OLR1: variants seen among roughly 807,000 people sequenced by gnomAD.
OLR1 encodes the protein oxidized low density lipoprotein receptor 1, also known as oxidized low-density lipoprotein receptor 1.
A neutral mutation model predicts 31.7 loss-of-function variants in OLR1; 23 were observed. That is an observed-to-expected ratio of 0.72 (90% CI 0.52 to 1.03). The LOEUF (loss-of-function observed/expected upper bound fraction) is 1.03. Among genes scored for constraint, OLR1 ranks in the 50% least tolerant of loss-of-function variants. OLR1 has a pLI of 0.00. For synonymous variants in OLR1, 117 were observed against 115.8 expected (o/e 1.01, Z -0.07); for missense variants, 286 against 315.7 (o/e 0.91, Z 0.71).
At position 10,169,083 on chromosome 12, in the gene OLR1, C is replaced by G. The variant is rs1287732483; in HGVS notation, c.169G>C (p.Gly57Arg). ...GTATTTTAGCACTTACATTGCATGC[C>G]CAGCACCATAATGGTCACTACTAAT... ...LGLVVTIMVLGMQLSQVSDLL... is the reference protein window; with the variant it reads ...LGLVVTIMVLRMQLSQVSDLL... The change falls in exon 2 of 6, where the codon GGC (glycine) becomes CGC (arginine). Residue 57 changes from glycine (G) to arginine (R), a missense_variant. Coordinates refer to ENST00000309539, the MANE Select transcript of OLR1 (RefSeq NM_002543.4). 1 of 1,609,736 alleles carries G rather than the reference C, an allele frequency of 6.2e-7. No individual in the cohort carries two copies. Among genetic ancestry groups the G allele is most frequent in the African/African-American group, 1.3e-5 (1 of 74,678 alleles).
In OLR1 at chr12:10,159,907, C is replaced by T. The variant is rs1421643708; in HGVS notation, c.795G>A (p.Gln265=). The T allele has an allele frequency of 1.9e-6, 3 of 1,613,118 alleles. No individual in the cohort carries two copies. Among genetic ancestry groups the T allele is most frequent in the South Asian group, 1.1e-5 (1 of 90,984 alleles). Residue 265 remains glutamine (Q), a synonymous_variant, in exon 6 of 6, where the codon CAG becomes CAA. Transcript: ENST00000309539. ...NCILAAFSIC[Q]KKANLRAQ is the part of the protein sequence containing the mutation. ...ACTGTGCTCTTAGGTTTGCCTTCTT[C>T]TGACATATACTGAAGGCAGCTAAAA...
chr12:10,160,642 T>G (rs1948612587), intron 4 of OLR1, 144 bp downstream of exon 4: 2 of 1,115,564 alleles, frequency 1.8e-6, no homozygotes, highest in African/African-American at 1.5e-5. Flanking sequence ...CCGTCCAAGG[T>G]CATACACAAA....
At position 10,170,062 on chromosome 12, in the gene OLR1, G is replaced by A. The variant is rs183585550; in HGVS notation, c.77-887C>T. 2.6e-5 allele frequency among the ~76,000 whole-genome samples: 4 copies of A among 152,324 alleles called. No individual in the cohort carries two copies. In the East Asian group the frequency reaches 5.8e-4, roughly 22 times the overall value. ...TGTATGCAAATAAGGAGACTGAAAG[G>A]TTTAGTGACTTGCTTAAGATCACAC... On this transcript the variant is annotated intron_variant, in intron 1 of 5. Transcript: ENST00000309539.
Position 10,160,916 on chromosome 12 carries a change from G to A in OLR1, c.434C>T (p.Pro145Leu), listed in dbSNP as rs759947861. 25 of 1,613,848 alleles carry A rather than the reference G, an allele frequency of 1.5e-5. No individual in the cohort carries two copies. Among genetic ancestry groups the A allele is most frequent in the Middle Eastern group, 1.6e-4 (1 of 6,084 alleles). The part of the protein sequence containing the change: ...KRVANCSAPC[P>L]QDWIWHGENC... ...TTCTCCATGCCAGATCCAGTCTTGC[G>A]GACAAGGAGCTGGGAAGGATAGTAT... The change falls in exon 4 of 6, where the codon CCG becomes CTG. Residue 145 changes from proline (P) to leucine (L), a missense_variant. Coordinates refer to ENST00000309539, the MANE Select transcript of OLR1 (RefSeq NM_002543.4).
chr12:10,159,965 A>G lies in OLR1; in HGVS notation c.737T>C (p.Ile246Thr), dbSNP rs1948606083. ...QTYPSGTCAY[I>T]QRGAVYAENC... ...TTCCGCATAAACAGCTCCTCGTTGT[A>G]TATATGCACAGGTACCTGAAGGGTA... Residue 246 changes from isoleucine (I) to threonine (T), a missense_variant, in exon 6 of 6, where the codon ATA becomes ACA. Transcript: ENST00000309539. 6.2e-7 allele frequency: 1 copy of G among 1,613,946 alleles called. No homozygotes were observed. The highest frequency in any genetic ancestry group is 8.5e-7 in the Non-Finnish European group (1 of 1,179,970).
chr12:10,162,915 A>G (rs1948631710), intron 3 of OLR1, among the ~76,000 whole-genome samples: 1 of 152,152 alleles, frequency 6.6e-6, no homozygotes, highest in African/African-American at 2.4e-5. Context: ...AGTAAGAAGG[A>G]CACATTACAA....
intron 3 of OLR1, among the ~76,000 whole-genome samples, chr12:10,163,830 C>G (rs12371385): frequency 6.6e-6 from 1 of 152,000 alleles, no homozygotes; most frequent in Admixed American, 6.6e-5. Context: ...ACTCAGGAGG[C>G]TGAGGCAGGA....
chr12:10,165,802 T>G (rs568312584), intron 3 of OLR1, among the ~76,000 whole-genome samples: 109 of 151,968 alleles, frequency 7.2e-4, no homozygotes, highest in South Asian at 1.9e-3. Context: ...AAACTAAAAT[T>G]TTAAAAAGAA....
chr12:10,161,760 C>A (rs1335200145), intron 3 of OLR1, among the ~76,000 whole-genome samples: 2 of 151,660 alleles, frequency 1.3e-5, no homozygotes, highest in Admixed American at 6.6e-5. Context: ...ATTTTGAAAA[C>A]TTAATTTGAA....
chr12:10,164,188 C>T (rs34340198), intron 3 of OLR1, among the ~76,000 whole-genome samples: 3 of 152,182 alleles, frequency 2.0e-5, no homozygotes, highest in Admixed American at 2.0e-4. Flanking sequence ...GTGATATAAA[C>T]CATTGGTTAG....
Position 10,160,427 on chromosome 12 carries a change from A to G in OLR1, c.600T>C (p.Phe200=). ...FIQQAISYSS[F]PFWMGLSRRN... is the part of the protein sequence containing the mutation. ...TCCGAGACAGCCCCATCCAGAATGG[A>G]AAACTGGAATAGGAAATTGCTTGCT... Residue 200 remains phenylalanine (F), a synonymous_variant, in exon 5 of 6, where the codon TTT becomes TTC. Transcript: ENST00000309539. 1 of 1,613,784 alleles carries G rather than the reference A, an allele frequency of 6.2e-7. No individual in the cohort carries two copies.
intron 3 of OLR1, 48 bp from the exon 4 acceptor site, chr12:10,160,973 C>A: frequency 6.4e-7 from 1 of 1,552,350 alleles, no homozygotes; most frequent in South Asian, 1.1e-5. Context: ...TGTGTAAAAG[C>A]AGTACTGCAG....
Position 10,159,801 on chromosome 12 carries a change from G to T in OLR1, c.*79C>A. 1.4e-6 allele frequency: 2 copies of T among 1,406,724 alleles called. No homozygotes were observed. Among genetic ancestry groups the T allele is most frequent in the Non-Finnish European group, 1.9e-6 (2 of 1,042,116 alleles). 87.1% of individuals were successfully genotyped at this position (1,406,724 alleles called of 1,614,324 possible). A position where few individuals can be genotyped will look rare whatever the true frequency, so the allele number is the denominator to read the frequency against. On this transcript the variant is annotated 3_prime_UTR_variant, in exon 6 of 6. Coordinates refer to ENST00000309539, the MANE Select transcript of OLR1 (RefSeq NM_002543.4). The stretch of plus-strand genomic sequence containing the variant: ...ACAGTTTTCTGGGCTCTCATGTTTG[G>T]CACCCAAGTGACAAAGAATAGCTTA...
chr12:10,174,944 A>G (rs1948754992), upstream of OLR1, among the ~76,000 whole-genome samples: 1 of 152,176 alleles, frequency 6.6e-6, no homozygotes, highest in Non-Finnish European at 1.5e-5. Context: ...ATAATATTCC[A>G]TTGTATGTAT....
intron 1 of OLR1, chr12:10,170,460 A>T (rs1191882664): frequency 6.9e-6 from 1 of 145,722 alleles, no homozygotes; most frequent in Non-Finnish European, 1.5e-5. Context: ...TTCATTCCAC[A>T]TTGTAGGGCA....
chr12:10,175,287 T>C (rs1055798819), upstream of OLR1: 3 of 152,188 alleles, frequency 2.0e-5, no homozygotes, highest in East Asian at 5.8e-4. Context: ...TCTAGATTTT[T>C]AAAAGCAAGC....
intron 2 of OLR1, chr12:10,167,794 T>C (rs1948675373): frequency 6.6e-6 from 1 of 151,884 alleles, no homozygotes; most frequent in Non-Finnish European, 1.5e-5. Context: ...TTGGCCACGG[T>C]ACATTTTAGG....
chr12:10,171,864 T>C, intron 1 of OLR1, 138 bp downstream of exon 1: 2 of 606,996 alleles, frequency 3.3e-6, no homozygotes, highest in Non-Finnish European at 5.9e-6. Flanking sequence ...CCTTCTTGTT[T>C]TTCTTTTAAG....
chr12:10,169,885 T>C lies in OLR1; in HGVS notation c.77-710A>G, dbSNP rs141814120. The stretch of plus-strand genomic sequence containing the variant: ...CATTTTGAAAAAAAAATCACATAGC[T>C]CACAGGTGTATGAATATACAATTAT... On this transcript the variant is annotated intron_variant, in intron 1 of 5. Coordinates refer to ENST00000309539, the MANE Select transcript of OLR1 (RefSeq NM_002543.4). Among the ~76,000 whole-genome samples, 460 of 151,128 alleles carry C rather than the reference T, an allele frequency of 3.0e-3. 2 individuals are homozygous for C. Among genetic ancestry groups the C allele is most frequent in the African/African-American group, 9.6e-3 (394 of 41,116 alleles).
Sources: gnomAD v4.1 joint callset for allele counts (sites outside exome capture counted in the v4.1 genomes callset) on GRCh38, gnomAD v4.1.1 for gene constraint, MANE v1.5 for transcripts, NCBI Gene and HGNC (gene_info 2026-07-23, HGNC 2026-07-21) for gene names.